Variants in RPS5 observed in about 807,000 individuals in gnomAD.
The protein encoded by RPS5 is small ribosomal subunit protein uS7.
RPS5 carries 2 observed loss-of-function variants against 20.9 expected under a neutral mutation model. That is an observed-to-expected ratio of 0.10 (90% CI 0.04 to 0.30). The LOEUF (loss-of-function observed/expected upper bound fraction) is 0.30, where lower values mean the gene tolerates loss of function less well. Among genes scored for constraint, RPS5 ranks in the 10% least tolerant of loss-of-function variants. RPS5 has a pLI of 1.00. For missense variants in RPS5, 122 were observed against 287.2 expected (o/e 0.42, Z 4.16); for synonymous variants, 112 against 105.8 (o/e 1.06, Z -0.36).
At chr19:58,391,588 G>A (rs533880600) in intron 2 of RPS5, among the ~76,000 whole-genome samples, 2 of 151,754 alleles carry the variant, frequency 1.3e-5, no homozygotes, top group Non-Finnish European at 2.9e-5. Flanking sequence ...GGGTGACAGA[G>A]TGAGACTCCA....
rs35576516 is a variant in RPS5, at chr19:58,391,432, C to CAAAAAAAA, written c.109-1531_109-1524dup. 3.1e-3 allele frequency among the ~76,000 whole-genome samples: 232 copies of CAAAAAAAA among 75,950 alleles called. 8 individuals are homozygous for CAAAAAAAA. The highest frequency in any genetic ancestry group is 0.013 in the African/African-American group (212 of 16,594). The allele number at this position is 75,950 out of a possible 152,430, so 49.8% of individuals were successfully genotyped here. On this transcript the variant is annotated intron_variant, in intron 2 of 5. Transcript: ENST00000196551. ...GGCCAACAAGAGCGAAACTCCATCT[C>CAAAAAAAA]AAAAAAAAAAAAAAAAAAAACTGGG... is the stretch of plus-strand genomic sequence containing the variant.
At chr19:58,392,774 G>A (rs375677975) in intron 2 of RPS5, among the ~76,000 whole-genome samples, 5 of 151,968 alleles carry the variant, frequency 3.3e-5, no homozygotes, top group African/African-American at 1.2e-4. Context: ...ACTTTTTAGC[G>A]ACTTGGTAAA....
At position 58,393,167 on chromosome 19, in the gene RPS5, A is replaced by G. The variant is rs754596907; in HGVS notation, c.300A>G (p.Ile100Met). The part of the protein sequence containing the change: ...VRIVKHAFEI[I>M]HLLTGENPLQ... ...TCGTCAAGCATGCCTTCGAGATCAT[A>G]CACCTGCTCACAGGCGAGGTAGGGC... Residue 100 changes from isoleucine (I) to methionine (M), a missense_variant, in exon 3 of 6, where the codon ATA (isoleucine) becomes ATG (methionine). Physicochemically the swap from Ile to Met is conservative, Grantham distance 10 (BLOSUM62 1). Coordinates refer to ENST00000196551, the MANE Select transcript of RPS5 (RefSeq NM_001009.4). 1 of 1,614,216 alleles carries G rather than the reference A, an allele frequency of 6.2e-7. No individual in the cohort carries two copies. The highest frequency in any genetic ancestry group is 2.2e-5 in the East Asian group (1 of 44,880).
Position 58,388,159 on chromosome 19 carries a change from G to A in RPS5, c.22G>A (p.Ala8Thr), listed in dbSNP as rs766402452. 2.5e-6 allele frequency: 4 copies of A among 1,612,680 alleles called. No individual in the cohort carries two copies. In the South Asian group the frequency reaches 3.3e-5, roughly 13 times the overall value. Residue 8 changes from alanine (A) to threonine (T), a missense_variant, in exon 2 of 6, where the codon GCA becomes ACA. Transcript: ENST00000196551. MTEWETAAPAVAETPDIK... is the reference protein window; with the variant it reads MTEWETATPAVAETPDIK... Reference sequence around the variant, plus strand: ...CAGGATGACCGAGTGGGAGACAGCAGCACCAGCGGTGGCAGAGACCCCAGA... The same window carrying A: ...CAGGATGACCGAGTGGGAGACAGCAACACCAGCGGTGGCAGAGACCCCAGA...
At chr19:58,393,904 T>C (rs918477962) in intron 4 of RPS5, 2 of 184,886 alleles carry the variant, frequency 1.1e-5, no homozygotes, top group East Asian at 2.9e-4. Flanking sequence ...TTAGCATCTG[T>C]CCCCAGAATG....
At position 58,394,419 on chromosome 19, in the gene RPS5, A is replaced by G; in HGVS notation, c.448-78A>G. 3 of 1,233,282 alleles carry G rather than the reference A, an allele frequency of 2.4e-6. No homozygotes were observed. In the East Asian group the frequency reaches 7.0e-5, roughly 29 times the overall value. The allele number at this position is 1,233,282 out of a possible 1,614,324, so 76.4% of individuals were successfully genotyped here. ...GCCTATGGGTGACAACGTGGCTGGC[A>G]GCATCAGTTGGGAGTGGCCCCAGGG... On this transcript the variant is annotated intron_variant, in intron 4 of 5. Transcript: ENST00000196551.
Position 58,394,744 on chromosome 19 carries a change from C to T in RPS5, c.609C>T (p.Asn203=), listed in dbSNP as rs2052385957. The T allele has an allele frequency of 2.5e-6, 4 of 1,613,974 alleles. No individual in the cohort carries two copies. Among genetic ancestry groups the T allele is most frequent in the Non-Finnish European group, 3.4e-6 (4 of 1,179,972 alleles). Residue 203 remains asparagine (N), a synonymous_variant, in exon 6 of 6, where the codon AAC becomes AAT. Coordinates refer to ENST00000196551, the MANE Select transcript of RPS5 (RefSeq NM_001009.4). Reference sequence around the variant, plus strand: ...AGCTGGAGCGTGTGGCCAAGTCCAACCGCTGATTTTCCCAGCTGCTGCCCA... The same window carrying T: ...AGCTGGAGCGTGTGGCCAAGTCCAATCGCTGATTTTCCCAGCTGCTGCCCA... ...KDELERVAKS[N]R
rs2052379560 is a variant in RPS5, at chr19:58,393,804, A to G, written c.447+317A>G. ...CATTTTGATTGTGTTTTCCCTGAACACTGCAGGTGTCTTTAAAAACAAAGA... is the reference window on the plus strand; with the variant it reads ...CATTTTGATTGTGTTTTCCCTGAACGCTGCAGGTGTCTTTAAAAACAAAGA... On this transcript the variant is annotated intron_variant, in intron 4 of 5. Transcript: ENST00000196551. 3 of 290,642 alleles carry G rather than the reference A, an allele frequency of 1.0e-5. No individual in the cohort carries two copies. The Admixed American group carries it at 1.4e-4, about 14-fold the overall frequency. 18.0% of individuals were successfully genotyped at this position (290,642 alleles called of 1,614,324 possible). A position where few individuals can be genotyped will look rare whatever the true frequency, so the allele number is the denominator to read the frequency against.
chr19:58,388,040 A>G lies in RPS5; in HGVS notation c.-1-97A>G. On this transcript the variant is annotated intron_variant, in intron 1 of 5. Coordinates refer to ENST00000196551, the MANE Select transcript of RPS5 (RefSeq NM_001009.4). ...GTCCTTTGCGACCCCCCAGTTCATC[A>G]CTAGATGGCGGCTAGCCTCAGAGTT... 9 of 780,772 alleles carry G rather than the reference A, an allele frequency of 1.2e-5. No homozygotes were observed. In the South Asian group the frequency reaches 1.4e-4, roughly 12 times the overall value. The allele number at this position is 780,772 out of a possible 1,614,324, so 48.4% of individuals were successfully genotyped here.
At chr19:58,393,788 T>A (rs1043182377) in intron 4 of RPS5, 1 of 352,848 alleles carries the variant, frequency 2.8e-6, no homozygotes. Flanking sequence ...ACATTTTGAT[T>A]GTGTTTTCCC....
At chr19:58,389,871 A>G (rs2052352069) in intron 2 of RPS5, among the ~76,000 whole-genome samples, 1 of 151,548 alleles carries the variant, frequency 6.6e-6, no homozygotes, top group African/African-American at 2.4e-5. Flanking sequence ...TCCTGACCTC[A>G]TGATCTGCCC....
At chr19:58,389,874 A>T (rs2122158696) in intron 2 of RPS5, among the ~76,000 whole-genome samples, 1 of 151,498 alleles carries the variant, frequency 6.6e-6, no homozygotes, top group Non-Finnish European at 1.5e-5. Flanking sequence ...TGACCTCATG[A>T]TCTGCCCGGC....
chr19:58,388,261 T>C lies in RPS5; in HGVS notation c.108+16T>C. On this transcript the variant is annotated intron_variant, in intron 2 of 5. Coordinates refer to ENST00000196551, the MANE Select transcript of RPS5 (RefSeq NM_001009.4). ...TTCCCTGCAGGTGAGGGGAACTTGGTGATTGGCCTTCCTGGCTGGGGGCGG... is the reference window on the plus strand; with the variant it reads ...TTCCCTGCAGGTGAGGGGAACTTGGCGATTGGCCTTCCTGGCTGGGGGCGG... The C allele has an allele frequency of 6.4e-7, 1 of 1,560,670 alleles. No individual in the cohort carries two copies. Among genetic ancestry groups the C allele is most frequent in the East Asian group, 2.2e-5 (1 of 44,452 alleles).
intron 3 of RPS5, 79 bp downstream of exon 3, chr19:58,393,264 TC>T: frequency 1.2e-6 from 2 of 1,610,486 alleles, no homozygotes; most frequent in Non-Finnish European, 1.7e-6. Flanking sequence ...GTCAGGCTTA[TC>T]CCCTGTGTGG....
chr19:58,393,252 A>G, intron 3 of RPS5, 67 bp downstream of exon 3: 3 of 1,611,672 alleles, frequency 1.9e-6, no homozygotes, highest in Non-Finnish European at 1.7e-6. Flanking sequence ...CACGGAGTGT[A>G]TGTCAGGCTT....
chr19:58,389,024 GT>G (rs2052346843), intron 2 of RPS5, among the ~76,000 whole-genome samples: 1 of 152,104 alleles, frequency 6.6e-6, no homozygotes. Context: ...TTTGTATTAA[GT>G]TTTGCAATTG....
At chr19:58,393,223 T>C in intron 3 of RPS5, 38 bp downstream of exon 3, 1 of 1,613,382 alleles carries the variant, frequency 6.2e-7, no homozygotes, top group Non-Finnish European at 8.5e-7. Flanking sequence ...GGCTGTGCCC[T>C]CAGTACACCC....
intron 4 of RPS5, chr19:58,393,737 CTTT>C (rs927614331): frequency 4.3e-5 from 16 of 373,488 alleles, no homozygotes; most frequent in African/African-American, 1.3e-4. Flanking sequence ...TGTATATGTA[CTTT>C]TTTTTTTTTT....
chr19:58,391,622 A>G (rs2052364544), intron 2 of RPS5, among the ~76,000 whole-genome samples: 1 of 151,116 alleles, frequency 6.6e-6, no homozygotes, highest in South Asian at 2.1e-4. Context: ...CAAACAAAAA[A>G]CCCAAAAACA....
Sources: gnomAD v4.1 joint callset for allele counts (sites outside exome capture counted in the v4.1 genomes callset) on GRCh38, gnomAD v4.1.1 for gene constraint, MANE v1.5 for transcripts, NCBI Gene and HGNC (gene_info 2026-07-23, HGNC 2026-07-21) for gene names.